OR1L8: variants seen among roughly 807,000 people sequenced by gnomAD.
OR1L8 encodes olfactory receptor 1L8.
For synonymous variants in OR1L8, 148 were observed against 147.0 expected, an observed-to-expected ratio of 1.01 and a Z score of -0.05; for missense variants, 330 against 377.4, an observed-to-expected ratio of 0.87 and a Z score of 1.04.
chr9:122,567,948 TG>T lies in OR1L8; in HGVS notation c.529del (p.His177ThrfsTer10). ...LTFCDSNVIH[H>X]FLCDLSPVLK... ...CACAGGGCTGAGGTCACAGAGAAAG[TG>T]GTGGATAACATTGGAGTCACAGAAG... On this transcript the variant is annotated frameshift_variant, in exon 5 of 5. Coordinates refer to ENST00000641027, the MANE Select transcript of OR1L8 (RefSeq NM_001004454.2). LOFTEE classifies it low-confidence loss of function (END_TRUNC). The T allele has an allele frequency of 1.2e-6, 2 of 1,613,920 alleles. No individual in the cohort carries two copies. Among genetic ancestry groups the T allele is most frequent in the Non-Finnish European group, 1.7e-6 (2 of 1,179,966 alleles).
At chr9:122,560,258 C>G in the OR1L8 span, among the ~76,000 whole-genome samples, 1 of 152,112 alleles carries the variant, frequency 6.6e-6, no homozygotes, top group East Asian at 1.9e-4. Context: ...ATATAGCACA[C>G]CAATAGGTCT....
chr9:122,564,982 A>G (rs1370090742), downstream of OR1L8, among the ~76,000 whole-genome samples: 2 of 152,210 alleles, frequency 1.3e-5, no homozygotes, highest in Non-Finnish European at 2.9e-5. Context: ...ACTCATTGGT[A>G]GGACATTTGT....
intron 1 of OR1L8, among the ~76,000 whole-genome samples, chr9:122,581,281 T>G (rs928586998): frequency 6.6e-6 from 1 of 151,754 alleles, no homozygotes; most frequent in Non-Finnish European, 1.5e-5. Context: ...CACAAGAATC[T>G]CTTGAACCCA....
intron 4 of OR1L8, 106 bp from the exon 5 acceptor site, chr9:122,568,795 G>A: frequency 4.3e-6 from 1 of 230,738 alleles, no homozygotes; most frequent in Non-Finnish European, 8.4e-6. Context: ...TCACCTGCCG[G>A]GGACATAGCA....
chr9:122,577,185 T>A (rs942872727), intron 2 of OR1L8, among the ~76,000 whole-genome samples: 4 of 152,242 alleles, frequency 2.6e-5, no homozygotes, highest in Non-Finnish European at 4.4e-5. Flanking sequence ...AGTCTTTTTT[T>A]TAACCTCTAA....
At chr9:122,558,277 G>A in the OR1L8 span, among the ~76,000 whole-genome samples, 5 of 126,286 alleles carry the variant, frequency 4.0e-5, no homozygotes, top group Non-Finnish European at 8.5e-5. Flanking sequence ...TAGTTTCCTA[G>A]TGGGGAAGCT....
chr9:122,564,798 T>C (rs1829403601), downstream of OR1L8, among the ~76,000 whole-genome samples: 1 of 152,202 alleles, frequency 6.6e-6, no homozygotes, highest in African/African-American at 2.4e-5. Context: ...CAGCTTGCTT[T>C]CAGCTGGCAG....
the OR1L8 span, chr9:122,553,945 G>C: frequency 6.2e-7 from 1 of 1,613,902 alleles, no homozygotes; most frequent in Non-Finnish European, 8.5e-7. Context: ...TCTACCTGTG[G>C]TTCTCATCTC....
At chr9:122,582,412 T>C (rs961474538) in intron 1 of OR1L8, among the ~76,000 whole-genome samples, 3 of 152,132 alleles carry the variant, frequency 2.0e-5, no homozygotes, top group African/African-American at 7.2e-5. Context: ...CCAAAATTTA[T>C]GAGTTTAAAA....
At chr9:122,547,612 A>C in the OR1L8 span, among the ~76,000 whole-genome samples, 1 of 141,754 alleles carries the variant, frequency 7.1e-6, no homozygotes, top group African/African-American at 2.6e-5. Context: ...ATGGCTGAGT[A>C]GTAGTTCAGT....
chr9:122,569,970 A>G (rs1358928597), intron 4 of OR1L8, among the ~76,000 whole-genome samples: 5 of 149,772 alleles, frequency 3.3e-5, no homozygotes, highest in African/African-American at 1.2e-4. Context: ...GAGAATGATG[A>G]TTTCCAATTT....
At chr9:122,553,777 AG>A in the OR1L8 span, 1 of 1,614,064 alleles carries the variant, frequency 6.2e-7, no homozygotes, top group East Asian at 2.2e-5. Context: ...GCTCTCCTGA[AG>A]CTTGCCTGCT....
intron 2 of OR1L8, among the ~76,000 whole-genome samples, chr9:122,577,175 A>C (rs1425148581): frequency 6.6e-6 from 1 of 152,182 alleles, no homozygotes; most frequent in Admixed American, 6.5e-5. Flanking sequence ...TCTATGACCT[A>C]GTCTTTTTTT....
At chr9:122,560,184 A>G in the OR1L8 span, among the ~76,000 whole-genome samples, 1,468 of 151,868 alleles carry the variant, frequency 9.7e-3, 27 homozygotes, top group African/African-American at 0.034. Context: ...TTGCTTGGTA[A>G]ATTTTCTCCT....
chr9:122,553,037 C>T, the OR1L8 span: 42 of 696,668 alleles, frequency 6.0e-5, no homozygotes, highest in East Asian at 1.0e-3. Context: ...TTGGGTATTT[C>T]CTTGCATTCC....
the OR1L8 span, among the ~76,000 whole-genome samples, chr9:122,556,282 CTT>C: frequency 0.019 from 2,791 of 144,400 alleles, 79 homozygotes; most frequent in African/African-American, 0.066. Context: ...TGTCTAGATT[CTT>C]TTTTTTTTTT....
the OR1L8 span, among the ~76,000 whole-genome samples, chr9:122,547,607 T>A: frequency 1.3e-5 from 2 of 149,428 alleles, no homozygotes. Flanking sequence ...TTTTTATGGC[T>A]GAGTAGTAGT....
At chr9:122,579,095 T>C (rs1049293464) in intron 1 of OR1L8, among the ~76,000 whole-genome samples, 3 of 152,062 alleles carry the variant, frequency 2.0e-5, no homozygotes, top group African/African-American at 7.2e-5. Context: ...CAAGAATATA[T>C]GTACAAGGAT....
chr9:122,551,499 C>G, the OR1L8 span, among the ~76,000 whole-genome samples: 1 of 152,168 alleles, frequency 6.6e-6, no homozygotes, highest in Admixed American at 6.5e-5. Context: ...AGTTTATACT[C>G]CTGATTTCTT....
Sources: allele counts gnomAD v4.1 joint callset (sites outside exome capture counted in the v4.1 genomes callset), GRCh38; gene constraint gnomAD v4.1.1; transcripts MANE v1.5; gene names NCBI Gene and HGNC (gene_info 2026-07-23, HGNC 2026-07-21).